GABRB1: variants seen among roughly 807,000 people sequenced by gnomAD.
The protein encoded by GABRB1 is gamma-aminobutyric acid type A receptor subunit beta1.
A neutral mutation model predicts 51.6 loss-of-function variants in GABRB1; 17 were observed. The ratio of observed to expected loss-of-function variants is 0.33; its 90% CI spans 0.23 to 0.49. The LOEUF (loss-of-function observed/expected upper bound fraction) is 0.49, where lower values mean the gene tolerates loss of function less well. Ranked by LOEUF, GABRB1 falls within the 20% of genes least tolerant of loss-of-function variation. GABRB1 has a pLI of 0.99. For missense variants in GABRB1, 410 were observed against 600.6 expected, an observed-to-expected ratio of 0.68 and a Z score of 3.32; for synonymous variants, 247 against 218.9, an observed-to-expected ratio of 1.13 and a Z score of -1.14.
intron 1 of GABRB1, among the ~76,000 whole-genome samples, chr4:47,019,625 C>CTCTCTCTTTCTTTCTTTCTTTCTTTCTT (rs1274221477): frequency 3.5e-4 from 32 of 91,104 alleles, no homozygotes; most frequent in Middle Eastern, 0.011. Context: ...TTCTTTCTCT[C>CTCTCTCTTTCTTTCTTTCTTTCTTTCTT]TCTTTCTTTC....
chr4:47,313,860 G>A (rs529343369), intron 4 of GABRB1, among the ~76,000 whole-genome samples: 1 of 152,144 alleles, frequency 6.6e-6, no homozygotes, highest in East Asian at 1.9e-4. Flanking sequence ...TTGTATTTGT[G>A]TATTAGTGCT....
chr4:47,197,679 T>C (rs1461429422), intron 4 of GABRB1, among the ~76,000 whole-genome samples: 3 of 152,208 alleles, frequency 2.0e-5, no homozygotes, highest in African/African-American at 7.2e-5. Flanking sequence ...TAAGGAGTCA[T>C]ATCCTATTTA....
At chr4:47,069,162 C>G (rs760705392) in intron 3 of GABRB1, among the ~76,000 whole-genome samples, 2 of 152,148 alleles carry the variant, frequency 1.3e-5, no homozygotes, top group Non-Finnish European at 2.9e-5. Context: ...TACCCACAAA[C>G]CAATGTTTTC....
Position 47,425,480 on chromosome 4 carries a change from T to TGATAGATAGATAGATA in GABRB1, c.1081-170_1081-155dup, listed in dbSNP as rs3138735. Among the ~76,000 whole-genome samples, 596 of 142,420 alleles carry TGATAGATAGATAGATA rather than the reference T, an allele frequency of 4.2e-3. 3 individuals carry two copies. The highest frequency in any genetic ancestry group is 0.01 in the Middle Eastern group (3 of 286). 93.4% of individuals were successfully genotyped at this position (142,420 alleles called of 152,430 possible). A position where few individuals can be genotyped will look rare whatever the true frequency, so the allele number is the denominator to read the frequency against. On this transcript the variant is annotated intron_variant, in intron 8 of 8. Transcript: ENST00000295454. The stretch of plus-strand genomic sequence containing the variant: ...AGCTAGCAAGGTGGATGGATGATGA[T>TGATAGATAGATAGATA]GATAGATAGATAGATAGATAGATAG...
chr4:47,395,158 G>T (rs1016954608), intron 5 of GABRB1, among the ~76,000 whole-genome samples: 2 of 152,152 alleles, frequency 1.3e-5, no homozygotes, highest in African/African-American at 4.8e-5. Context: ...CCCTGTATTA[G>T]TTTGTTCTCA....
intron 4 of GABRB1, among the ~76,000 whole-genome samples, chr4:47,166,477 C>T (rs1331144867): frequency 6.6e-6 from 1 of 151,990 alleles, no homozygotes; most frequent in Non-Finnish European, 1.5e-5. Context: ...TTTTCCCTTC[C>T]TTATGATTTT....
Position 47,163,531 on chromosome 4 carries a change from C to G in GABRB1, c.461+2062C>G, listed in dbSNP as rs1718050168. On this transcript the variant is annotated intron_variant, in intron 4 of 8. Transcript: ENST00000295454. Reference sequence around the variant, plus strand: ...AGCTGAAGACAATAGATACTGGGTACTCCAAGAGTGGGGAGAAGGGGAGTG... The same window carrying G: ...AGCTGAAGACAATAGATACTGGGTAGTCCAAGAGTGGGGAGAAGGGGAGTG... Among the ~76,000 whole-genome samples, 4 of 152,020 alleles carry G rather than the reference C, an allele frequency of 2.6e-5. No homozygotes were observed. The South Asian group carries it at 8.3e-4, about 32-fold the overall frequency.
At chr4:47,190,248 T>C (rs947703408) in intron 4 of GABRB1, among the ~76,000 whole-genome samples, 1 of 152,116 alleles carries the variant, frequency 6.6e-6, no homozygotes, top group Non-Finnish European at 1.5e-5. Flanking sequence ...TTGTTATGTG[T>C]CATAAGATGT....
At chr4:47,083,769 C>T (rs533044355) in intron 3 of GABRB1, among the ~76,000 whole-genome samples, 8 of 152,030 alleles carry the variant, frequency 5.3e-5, no homozygotes, top group Non-Finnish European at 1.0e-4. Flanking sequence ...ATGAATGTTA[C>T]CCCTATTTAC....
At chr4:47,114,315 G>C (rs999084240) in intron 3 of GABRB1, among the ~76,000 whole-genome samples, 1 of 152,110 alleles carries the variant, frequency 6.6e-6, no homozygotes, top group Non-Finnish European at 1.5e-5. Flanking sequence ...AGAAGGTTCT[G>C]GATTCTGGTT....
In GABRB1 at chr4:47,376,674, A is replaced by G. The variant is rs146910404; in HGVS notation, c.545-26644A>G. ...AAACAAAAAACAAAAAAGAAGCCAT[A>G]GATGATCTCAGCAGGAAGAAGTTCT... On this transcript the variant is annotated intron_variant, in intron 5 of 8. Coordinates refer to ENST00000295454, the MANE Select transcript of GABRB1 (RefSeq NM_000812.4). Among the ~76,000 whole-genome samples, 979 of 152,260 alleles carry G rather than the reference A, an allele frequency of 6.4e-3. 14 individuals carry two copies. The highest frequency in any genetic ancestry group is 0.022 in the African/African-American group (912 of 41,550).
intron 4 of GABRB1, among the ~76,000 whole-genome samples, chr4:47,187,150 C>G (rs888754253): frequency 1.3e-5 from 2 of 151,728 alleles, no homozygotes; most frequent in Non-Finnish European, 2.9e-5. Flanking sequence ...TTAGCTACAG[C>G]TTACCTATGA....
chr4:47,323,309 T>C (rs1725147632), intron 5 of GABRB1, among the ~76,000 whole-genome samples: 1 of 152,164 alleles, frequency 6.6e-6, no homozygotes, highest in Non-Finnish European at 1.5e-5. Context: ...TTATTAACAA[T>C]AGATAAACCA....
intron 3 of GABRB1, among the ~76,000 whole-genome samples, chr4:47,079,702 CATGG>C (rs1189215096): frequency 2.0e-5 from 3 of 151,930 alleles, no homozygotes; most frequent in African/African-American, 7.2e-5. Context: ...TTTGTAGGGA[CATGG>C]ATGAAGTTGG....
At chr4:47,223,902 G>T (rs965759928) in intron 4 of GABRB1, among the ~76,000 whole-genome samples, 2 of 152,080 alleles carry the variant, frequency 1.3e-5, no homozygotes, top group Non-Finnish European at 2.9e-5. Flanking sequence ...TCAACCATGA[G>T]AAGTTTCTCA....
At chr4:47,275,581 T>C (rs1723043946) in intron 4 of GABRB1, among the ~76,000 whole-genome samples, 1 of 152,114 alleles carries the variant, frequency 6.6e-6, no homozygotes, top group African/African-American at 2.4e-5. Context: ...TCTTCTGCTA[T>C]TTTAAGGGAG....
chr4:47,235,530 A>G (rs1421614672), intron 4 of GABRB1, among the ~76,000 whole-genome samples: 2 of 151,712 alleles, frequency 1.3e-5, no homozygotes, highest in East Asian at 1.9e-4. Context: ...GCCTGGTGAC[A>G]GAGTGAGACT....
chr4:47,084,757 C>A (rs1201887287), intron 3 of GABRB1, among the ~76,000 whole-genome samples: 2 of 152,118 alleles, frequency 1.3e-5, no homozygotes, highest in African/African-American at 4.8e-5. Context: ...AACAGGGTAG[C>A]CCAGGTACCC....
chr4:47,294,674 G>C (rs879385792), intron 4 of GABRB1, among the ~76,000 whole-genome samples: 2 of 152,232 alleles, frequency 1.3e-5, no homozygotes, highest in African/African-American at 4.8e-5. Flanking sequence ...ACCTCTGGGG[G>C]CAGGAAACAG....
Sources: allele counts gnomAD v4.1 joint callset (sites outside exome capture counted in the v4.1 genomes callset), GRCh38; gene constraint gnomAD v4.1.1; transcripts MANE v1.5; gene names NCBI Gene and HGNC (gene_info 2026-07-23, HGNC 2026-07-21).